The following NUP188 variants were observed in gnomAD, a reference collection of about 807,000 sequenced individuals.
The protein encoded by NUP188 is nucleoporin NUP188.
In NUP188, 97 loss-of-function variants were observed where a neutral mutation model predicts 223.0. The observed-to-expected ratio is 0.43, with a 90% confidence interval of 0.37 to 0.51. The LOEUF is 0.51. Among genes scored for constraint, NUP188 ranks in the 20% least tolerant of loss-of-function variants. NUP188 has a pLI of 0.00. For missense variants in NUP188, 1,947 were observed against 2,175.6 expected, an observed-to-expected ratio of 0.89 and a Z score of 2.09; for synonymous variants, 869 against 828.0, an observed-to-expected ratio of 1.05 and a Z score of -0.85.
chr9:129,006,639 C>T lies in NUP188; in HGVS notation c.5211C>T (p.Ile1737=). 6.2e-7 allele frequency: 1 copy of T among 1,614,110 alleles called. No homozygotes were observed. The highest frequency in any genetic ancestry group is 1.1e-5 in the South Asian group (1 of 91,086). ...GCCCTGAGAGTCAGGAGCCTCTGAT[C>T]CAGTTGGTGCAGGCGTTTGTCCGGC... ...KASPESQEPL[I]QLVQAFVRHM... is the part of the protein sequence containing the mutation. Residue 1737 remains isoleucine, a synonymous_variant, in exon 44 of 44, where the codon ATC becomes ATT. Transcript: ENST00000372577.
intron 27 of NUP188, 152 bp from the exon 28 acceptor site, chr9:128,994,221 C>A: frequency 1.6e-6 from 1 of 629,326 alleles, no homozygotes; most frequent in Non-Finnish European, 2.9e-6. Flanking sequence ...CTATGGAAAC[C>A]TTTCATTTAT....
intron 8 of NUP188, among the ~76,000 whole-genome samples, chr9:128,966,250 G>C (rs1478104736): frequency 3.1e-5 from 4 of 129,390 alleles, no homozygotes; most frequent in Admixed American, 2.5e-4. Context: ...GTCTCTGTCT[G>C]TCTCTGTGTC....
At chr9:128,979,385 C>T in intron 13 of NUP188, 58 bp downstream of exon 13, 2 of 1,309,636 alleles carry the variant, frequency 1.5e-6, no homozygotes, top group Non-Finnish European at 2.2e-6. Flanking sequence ...CACTTGTTTT[C>T]TTACAGGTTT....
intron 2 of NUP188, among the ~76,000 whole-genome samples, chr9:128,950,429 C>T (rs1039824138): frequency 1.4e-4 from 21 of 152,202 alleles, no homozygotes; most frequent in African/African-American, 4.8e-4. Context: ...CCATGTTGGC[C>T]AGGCTGGTCT....
At position 128,982,585 on chromosome 9, in the gene NUP188, T is replaced by G. The variant is rs779078247; in HGVS notation, c.1553T>G (p.Val518Gly). The change falls in exon 16 of 44, where the codon GTG becomes GGG. Residue 518 changes from valine (V) to glycine (G), a missense_variant. By Grantham distance (109) the Val-to-Gly change is moderately radical (BLOSUM62 -3). Transcript: ENST00000372577. ...QTNLRIPQGT[V>G]GQVMLDDRAY... ...AACCTTCGCATACCTCAAGGCACTG[T>G]GGGCCAAGTAATGTTGGATGATAGG... The G allele has an allele frequency of 6.2e-7, 1 of 1,614,126 alleles. No individual in the cohort carries two copies. Among genetic ancestry groups the G allele is most frequent in the Non-Finnish European group, 8.5e-7 (1 of 1,179,998 alleles).
Position 128,958,809 on chromosome 9 carries a change from A to G in NUP188, c.380A>G (p.Asp127Gly). ...GAATTTTGGGTTCCTCAGATTGCAG[A>G]TTATTATTATGAAGAAAGAACCTGT... Reference protein sequence around the residue: ...QSQALILKIADYYYEERTCIL... With the variant: ...QSQALILKIAGYYYEERTCIL... The change falls in exon 7 of 44, where the codon GAT becomes GGT. Residue 127 changes from aspartate to glycine, a missense_variant. Asp to Gly is a moderately conservative substitution (Grantham distance 94). Transcript: ENST00000372577. 1 of 1,573,844 alleles carries G rather than the reference A, an allele frequency of 6.4e-7. No homozygotes were observed. Among genetic ancestry groups the G allele is most frequent in the Non-Finnish European group, 8.6e-7 (1 of 1,156,752 alleles).
intron 8 of NUP188, among the ~76,000 whole-genome samples, chr9:128,963,943 A>G (rs1841992234): frequency 6.6e-6 from 1 of 151,774 alleles, no homozygotes; most frequent in South Asian, 2.1e-4. Flanking sequence ...CAGCCTCCCG[A>G]GTAGCTGGGA....
chr9:128,956,006 A>G (rs1371548890), intron 3 of NUP188, among the ~76,000 whole-genome samples: 81 of 151,788 alleles, frequency 5.3e-4, no homozygotes, highest in Non-Finnish European at 1.5e-5. Context: ...TGGCAATTCC[A>G]TTTGTAAAAG....
At chr9:128,999,451 C>T in intron 33 of NUP188, 134 bp downstream of exon 33, 8 of 1,314,342 alleles carry the variant, frequency 6.1e-6, no homozygotes, top group Non-Finnish European at 8.3e-6. Flanking sequence ...AATTCTTACC[C>T]CAAGAAAGCT....
In NUP188 at chr9:128,986,797, T is replaced by C. The variant is rs1842339938; in HGVS notation, c.2198-12T>C. ...AAGGCCACATCATTCCTCTGTCTTT[T>C]CTGGAGTCCAGGTTGCCTGATCTTG... On this transcript the variant is annotated splice_polypyrimidine_tract_variant and intron_variant, in intron 21 of 43. Coordinates refer to ENST00000372577, the MANE Select transcript of NUP188 (RefSeq NM_015354.3). 10 of 1,614,134 alleles carry C rather than the reference T, an allele frequency of 6.2e-6. No individual in the cohort carries two copies. Among genetic ancestry groups the C allele is most frequent in the Non-Finnish European group, 8.5e-6 (10 of 1,180,006 alleles).
In NUP188 at chr9:129,001,953, C is replaced by T. The variant is rs1297071867; in HGVS notation, c.4114C>T (p.Leu1372=). Residue 1372 remains leucine, a synonymous_variant, in exon 36 of 44, where the codon CTG becomes TTG. Coordinates refer to ENST00000372577, the MANE Select transcript of NUP188 (RefSeq NM_015354.3). The part of the protein sequence containing the change: ...ICLPLLSVYQ[L]STNGTAQTPS... ...TTTGCCCCTTCTGAGTGTGTACCAGCTGAGCACCAACGGCACAGCACAGGT... is the reference window on the plus strand; with the variant it reads ...TTTGCCCCTTCTGAGTGTGTACCAGTTGAGCACCAACGGCACAGCACAGGT... 2 of 1,614,026 alleles carry T rather than the reference C, an allele frequency of 1.2e-6. No individual in the cohort carries two copies. The highest frequency in any genetic ancestry group is 4.5e-5 in the East Asian group (2 of 44,894).
chr9:128,962,200 G>C (rs1234679150), intron 8 of NUP188, among the ~76,000 whole-genome samples: 1 of 151,668 alleles, frequency 6.6e-6, no homozygotes, highest in Non-Finnish European at 1.5e-5. Context: ...CCATCAAAGT[G>C]CTGGGATTAC....
At chr9:128,975,707 G>C (rs900577979) in intron 12 of NUP188, among the ~76,000 whole-genome samples, 12 of 150,764 alleles carry the variant, frequency 8.0e-5, no homozygotes, top group Non-Finnish European at 1.5e-4. Context: ...TTCAGTAGAC[G>C]GGGTTTTGCC....
At position 128,967,557 on chromosome 9, in the gene NUP188, AGGTG is replaced by A. The variant is rs1413523258; in HGVS notation, c.586-946_586-943del. ...TGTAATCCCAGCACTCGGGAGGCCA[AGGTG>A]GGCGGATCACCTGAGGTCAGGAGTT... On this transcript the variant is annotated intron_variant, in intron 8 of 43. Transcript: ENST00000372577. Among the ~76,000 whole-genome samples the A allele has an allele frequency of 6.6e-5, 10 of 152,246 alleles. No homozygotes were observed. The East Asian group carries it at 1.7e-3, about 27-fold the overall frequency.
intron 11 of NUP188, 101 bp downstream of exon 11, chr9:128,971,059 G>A: frequency 1.1e-6 from 1 of 888,852 alleles, no homozygotes; most frequent in Non-Finnish European, 1.9e-6. Flanking sequence ...GGATCATGTT[G>A]TAACTAACCT....
At chr9:128,971,634 A>G (rs531106568) in intron 11 of NUP188, among the ~76,000 whole-genome samples, 106 of 152,072 alleles carry the variant, frequency 7.0e-4, no homozygotes, top group South Asian at 1.7e-3. Context: ...TGGCCAAGCT[A>G]GTCTTGAACT....
chr9:128,974,047 A>C (rs1359051017), intron 12 of NUP188, among the ~76,000 whole-genome samples: 1 of 151,938 alleles, frequency 6.6e-6, no homozygotes, highest in East Asian at 1.9e-4. Flanking sequence ...AATAGCTGGG[A>C]TTAGAGGTGC....
rs1035702656 is a variant in NUP188 at position 128,995,438 on chromosome 9, G to A, written c.3275G>A (p.Ser1092Asn). ...LAVHVAETEG[S>N]SCTSLLEYQM... ...GTTCACGTGGCCGAAACAGAAGGCA[G>A]CAGCTGCACCTCCTTGTTAGAGTAC... Residue 1092 changes from serine (S) to asparagine (N), a missense_variant, in exon 30 of 44, where the codon AGC becomes AAC. This residue lies in a region of NUP188 where 905 missense variants were observed against 990.6 expected (regional missense o/e 0.91). Coordinates refer to ENST00000372577, the MANE Select transcript of NUP188 (RefSeq NM_015354.3). 1 of 1,613,832 alleles carries A rather than the reference G, an allele frequency of 6.2e-7. No individual in the cohort carries two copies. Among genetic ancestry groups the A allele is most frequent in the Non-Finnish European group, 8.5e-7 (1 of 1,179,878 alleles).
chr9:128,957,032 G>T lies in NUP188; in HGVS notation c.327G>T (p.Lys109Asn). 6.2e-7 allele frequency: 1 copy of T among 1,602,176 alleles called. No individual in the cohort carries two copies. The highest frequency in any genetic ancestry group is 8.5e-7 in the Non-Finnish European group (1 of 1,172,036). ...EDYRGTRDSVKTVLQDERQSQ... is the reference protein window; with the variant it reads ...EDYRGTRDSVNTVLQDERQSQ... ...ACAGGGGTACTCGGGACTCAGTAAA[G>T]GTTTGTGGTTTATGTCAGCTCCTTT... The change falls in exon 5 of 44, where the codon AAG becomes AAT. Residue 109 changes from lysine (K) to asparagine (N), a missense_variant and splice_region_variant. By Grantham distance (94) the Lys-to-Asn change is moderately conservative. This residue lies in a region of NUP188 where 817 missense variants were observed against 865.8 expected (regional missense o/e 0.94). Coordinates refer to ENST00000372577, the MANE Select transcript of NUP188 (RefSeq NM_015354.3).
Sources: gnomAD v4.1 joint callset for allele counts (sites outside exome capture counted in the v4.1 genomes callset) on GRCh38, gnomAD v4.1.1 for gene constraint, gnomAD v4.1.1 regional missense constraint, MANE v1.5 for transcripts, NCBI Gene and HGNC (gene_info 2026-07-23, HGNC 2026-07-21) for gene names.